CREB5: variants seen among roughly 807,000 people sequenced by gnomAD.
The protein encoded by CREB5 is cyclic AMP-responsive element-binding protein 5.
A neutral mutation model predicts 57.1 loss-of-function variants in CREB5; 19 were observed. That is an observed-to-expected ratio of 0.33 (90% CI 0.23 to 0.49). The LOEUF (loss-of-function observed/expected upper bound fraction) is 0.49. CREB5 is among the 20% of genes least tolerant of loss of function. The pLI, the probability that CREB5 is intolerant of heterozygous loss-of-function variation, is 0.99. For missense variants in CREB5, 579 were observed against 671.6 expected (o/e 0.86, Z 1.52); for synonymous variants, 238 against 238.3 (o/e 1.00, Z 0.01).
chr7:28,416,407 C>T (rs986597550), intron 1 of CREB5, among the ~76,000 whole-genome samples: 1 of 152,192 alleles, frequency 6.6e-6, no homozygotes, highest in Non-Finnish European at 1.5e-5. Flanking sequence ...CATGTAATCT[C>T]TATTTGCCAG....
chr7:28,735,367 G>A (rs1803913072), intron 7 of CREB5, among the ~76,000 whole-genome samples: 1 of 152,130 alleles, frequency 6.6e-6, no homozygotes, highest in African/African-American at 2.4e-5. Context: ...AGATGTGTTT[G>A]TGTCATTCAC....
intron 5 of CREB5, among the ~76,000 whole-genome samples, chr7:28,611,672 C>CTAAATAAA (rs111666594): frequency 0.021 from 2,858 of 135,280 alleles, 54 homozygotes; most frequent in African/African-American, 0.046. Context: ...ACTCTGTCTC[C>CTAAATAAA]TAAATAAATA....
chr7:28,482,404 A>G (rs1302879816), intron 1 of CREB5, among the ~76,000 whole-genome samples: 4 of 152,212 alleles, frequency 2.6e-5, no homozygotes, highest in Non-Finnish European at 5.9e-5. Context: ...TGTTTCAGAA[A>G]CACGAAGTGC....
chr7:28,535,824 T>C (rs1793944914), intron 4 of CREB5, among the ~76,000 whole-genome samples: 1 of 152,170 alleles, frequency 6.6e-6, no homozygotes, highest in African/African-American at 2.4e-5. Context: ...ATTGCACTCC[T>C]TTTTTTCTCC....
intron 4 of CREB5, among the ~76,000 whole-genome samples, chr7:28,563,524 T>C (rs1173526409): frequency 1.3e-5 from 2 of 152,074 alleles, no homozygotes; most frequent in African/African-American, 4.8e-5. Flanking sequence ...AAAAGCAAAA[T>C]GAATGAATGA....
chr7:28,804,465 C>T lies in CREB5; in HGVS notation c.969C>T (p.His323=). 1.2e-6 allele frequency: 2 copies of T among 1,614,170 alleles called. No individual in the cohort carries two copies. The highest frequency in any genetic ancestry group is 1.7e-6 in the Non-Finnish European group (2 of 1,180,022). ...ACTCCCATTCCCACCTTCATGCACA[C>T]CCAGCACATCACCAGACCTCGCCAC... is the stretch of plus-strand genomic sequence containing the variant. ...HHHSHSHLHA[H]PAHHQTSPHP... is the part of the protein sequence containing the mutation. Residue 323 remains histidine, a synonymous_variant, in exon 8 of 11, where the codon CAC becomes CAT. Coordinates refer to ENST00000357727, the MANE Select transcript of CREB5 (RefSeq NM_182898.4).
intron 1 of CREB5, among the ~76,000 whole-genome samples, chr7:28,404,665 G>A (rs1355793726): frequency 6.6e-6 from 1 of 152,228 alleles, no homozygotes; most frequent in East Asian, 1.9e-4. Context: ...TTCTGAGCAT[G>A]AGATGAGGCC....
chr7:28,627,426 C>A (rs1478911011), intron 5 of CREB5, among the ~76,000 whole-genome samples: 1 of 152,224 alleles, frequency 6.6e-6, no homozygotes, highest in Admixed American at 6.5e-5. Context: ...GGCCCATCCC[C>A]AGAAGGTTTG....
chr7:28,362,973 G>A (rs1786518587), intron 1 of CREB5, among the ~76,000 whole-genome samples: 1 of 152,100 alleles, frequency 6.6e-6, no homozygotes, highest in African/African-American at 2.4e-5. Flanking sequence ...GCTATGTTAT[G>A]GGGAAGGATT....
At chr7:28,659,630 T>C (rs1346090317) in intron 5 of CREB5, among the ~76,000 whole-genome samples, 2 of 152,134 alleles carry the variant, frequency 1.3e-5, no homozygotes, top group African/African-American at 4.8e-5. Flanking sequence ...TTAAGCTGCC[T>C]CCTAATTTAA....
chr7:28,693,781 G>A (rs1368343602), intron 5 of CREB5, among the ~76,000 whole-genome samples: 1 of 152,182 alleles, frequency 6.6e-6, no homozygotes, highest in African/African-American at 2.4e-5. Context: ...CATAGTAAGT[G>A]CTCAGCAAAT....
chr7:28,698,633 T>C (rs1583570596), intron 5 of CREB5, among the ~76,000 whole-genome samples: 2 of 152,216 alleles, frequency 1.3e-5, no homozygotes, highest in African/African-American at 4.8e-5. Context: ...ATAAGTTCAC[T>C]AAAAGCAAAC....
intron 1 of CREB5, among the ~76,000 whole-genome samples, chr7:28,485,356 G>T (rs575888369): frequency 1.3e-5 from 2 of 151,992 alleles, no homozygotes; most frequent in Non-Finnish European, 2.9e-5. Context: ...ATGTTACCTG[G>T]TAAGAATAAC....
chr7:28,406,730 T>G (rs886324976), intron 1 of CREB5, among the ~76,000 whole-genome samples: 1 of 152,154 alleles, frequency 6.6e-6, no homozygotes, highest in African/African-American at 2.4e-5. Flanking sequence ...TCCATGAAAC[T>G]CTGGCTCTGA....
At chr7:28,445,184 G>A (rs769871869) in intron 1 of CREB5, among the ~76,000 whole-genome samples, 15 of 152,132 alleles carry the variant, frequency 9.9e-5, no homozygotes, top group Non-Finnish European at 1.9e-4. Flanking sequence ...AGCCTCCCCA[G>A]CCACGTGGAA....
chr7:28,476,761 T>C (rs1442973977), intron 1 of CREB5, among the ~76,000 whole-genome samples: 2 of 152,210 alleles, frequency 1.3e-5, no homozygotes, highest in African/African-American at 2.4e-5. Flanking sequence ...CCAGGGGTTA[T>C]ATATGTGTTT....
intron 4 of CREB5, among the ~76,000 whole-genome samples, chr7:28,554,103 T>C (rs954100570): frequency 1.3e-5 from 2 of 152,184 alleles, no homozygotes; most frequent in Non-Finnish European, 2.9e-5. Context: ...AATAGGAACA[T>C]GAAATAAAGT....
chr7:28,821,710 T>C lies in CREB5; in HGVS notation c.*2431T>C, dbSNP rs1809781659. On this transcript the variant is annotated 3_prime_UTR_variant, in exon 11 of 11. Transcript: ENST00000357727. ...CTGTTTTGAAATCAAAAATCATATT[T>C]CAAAATTCTTTCCTAGGACCATCTA... 6.6e-6 allele frequency: 1 copy of C among 152,306 alleles called. No individual in the cohort carries two copies. Among genetic ancestry groups the C allele is most frequent in the African/African-American group, 2.4e-5 (1 of 41,452 alleles). The allele number at this position is 152,306 out of a possible 1,614,324, so 9.4% of individuals were successfully genotyped here.
chr7:28,352,313 G>T (rs943687707), intron 1 of CREB5, among the ~76,000 whole-genome samples: 1 of 152,166 alleles, frequency 6.6e-6, no homozygotes, highest in Non-Finnish European at 1.5e-5. Flanking sequence ...TGATAATGAT[G>T]ATTGACATCA....
Sources: allele counts gnomAD v4.1 joint callset (sites outside exome capture counted in the v4.1 genomes callset), GRCh38; gene constraint gnomAD v4.1.1; transcripts MANE v1.5; gene names NCBI Gene and HGNC (gene_info 2026-07-23, HGNC 2026-07-21).